GATM: variants seen among roughly 807,000 people sequenced by gnomAD.
GATM encodes the protein glycine amidinotransferase, also known as glycine amidinotransferase, mitochondrial.
Under a neutral mutation model 54.2 loss-of-function variants are expected in GATM, and 23 were observed. The observed-to-expected ratio is 0.42, with a 90% confidence interval of 0.31 to 0.60. GATM has a LOEUF of 0.60. GATM is among the 20% of genes least tolerant of loss of function. The probability of loss-of-function intolerance (pLI) is 0.14; values close to 1 mark genes in which losing one functional copy is unlikely to be tolerated. For synonymous variants in GATM, 168 were observed against 183.1 expected (o/e 0.92, Z 0.67); for missense variants, 401 against 544.9 (o/e 0.74, Z 2.63).
upstream of GATM, chr15:45,378,602 C>T: frequency 1.8e-6 from 1 of 556,458 alleles, no homozygotes; most frequent in Non-Finnish European, 2.9e-6. Context: ...GGCCGCCCCC[C>T]GCGGCCCCAT....
upstream of GATM, among the ~76,000 whole-genome samples, chr15:45,381,696 C>G (rs2140665891): frequency 6.6e-6 from 1 of 152,288 alleles, no homozygotes. Context: ...ATGAGATTAG[C>G]TATCTACAGA....
chr15:45,385,112 A>C (rs568452527), intron 3 of GATM, among the ~76,000 whole-genome samples: 1 of 152,332 alleles, frequency 6.6e-6, no homozygotes, highest in African/African-American at 2.4e-5. Context: ...GAAATGATGC[A>C]GAAGTTAGTG....
At chr15:45,380,766 G>A (rs866664022), upstream of GATM, among the ~76,000 whole-genome samples, 5 of 152,070 alleles carry the variant, frequency 3.3e-5, no homozygotes, top group African/African-American at 1.2e-4. Context: ...TAGCCAAAGA[G>A]CATACCCTTA....
rs752830136 is a variant in GATM, at chr15:45,362,173, C to T, written c.1208G>A (p.Gly403Glu). The T allele has an allele frequency of 1.2e-6, 2 of 1,613,974 alleles. No homozygotes were observed. Among genetic ancestry groups the T allele is most frequent in the Admixed American group, 1.7e-5 (1 of 60,014 alleles). Reference protein sequence around the residue: ...VNIRNANSLGGGFHCWTCDVR... With the variant: ...VNIRNANSLGEGFHCWTCDVR... ...ATCGCAGGTCCAGCAATGGAAGCCT[C>T]CTCCCAGGGAATTGGCATTACGAAT... Residue 403 changes from glycine (G) to glutamate (E), a missense_variant, in exon 9 of 9, where the codon GGA (glycine) becomes GAA (glutamate). By Grantham distance (98) the Gly-to-Glu change is moderately conservative (BLOSUM62 -2). Around this residue, in one of 3 missense-constraint regions of GATM, gnomAD observed 321 missense variants for 457.5 expected, o/e 0.70. Transcript: ENST00000396659.
At chr15:45,398,291 C>G (rs1889956851) in intron 2 of GATM, among the ~76,000 whole-genome samples, 1 of 152,012 alleles carries the variant, frequency 6.6e-6, no homozygotes, top group Non-Finnish European at 1.5e-5. Context: ...AAGTGTGAAC[C>G]AACATCATAG....
intron 1 of GATM, among the ~76,000 whole-genome samples, chr15:45,400,096 C>T (rs1460491213): frequency 6.6e-6 from 1 of 152,150 alleles, no homozygotes. Flanking sequence ...GTGGTAGGCA[C>T]CTGTAATCCC....
chr15:45,376,218 A>G (rs977716831), intron 2 of GATM, among the ~76,000 whole-genome samples: 7 of 152,210 alleles, frequency 4.6e-5, no homozygotes, highest in African/African-American at 1.7e-4. Flanking sequence ...TTGATCTGGA[A>G]GGAGTTCAAT....
intron 6 of GATM, 36 bp from the exon 7 acceptor site, chr15:45,364,896 T>TCTACATATA: frequency 6.5e-7 from 1 of 1,532,460 alleles, no homozygotes; most frequent in Non-Finnish European, 9.0e-7. Flanking sequence ...AACCGTTAAA[T>TCTACATATA]CTACATATAC....
upstream of GATM, chr15:45,378,631 G>T (rs1889689791): frequency 4.2e-6 from 2 of 479,896 alleles, no homozygotes; most frequent in African/African-American, 2.1e-5. Flanking sequence ...GGGAACAGGT[G>T]GTGGGGCCGG....
At chr15:45,401,568 T>C (rs560473985) in intron 1 of GATM, among the ~76,000 whole-genome samples, 18 of 107,712 alleles carry the variant, frequency 1.7e-4, no homozygotes, top group Admixed American at 1.2e-3. Flanking sequence ...AGAAAGCAGC[T>C]GGAAAAAAAA....
Position 45,378,459 on chromosome 15 carries a change from T to C in GATM, c.-6A>G. The C allele has an allele frequency of 2.8e-6, 4 of 1,435,390 alleles. No individual in the cohort carries two copies. Among genetic ancestry groups the C allele is most frequent in the Non-Finnish European group, 3.6e-6 (4 of 1,100,002 alleles). The allele number at this position is 1,435,390 out of a possible 1,614,324, so 88.9% of individuals were successfully genotyped here. On this transcript the variant is annotated 5_prime_UTR_variant, in exon 1 of 9. Coordinates refer to ENST00000396659, the MANE Select transcript of GATM (RefSeq NM_001482.3). ...AGACACCGCACCCGCAGCATCGCCCTGGCCCGGCTGGTCCACGCGCGGAAT... is the reference window on the plus strand; with the variant it reads ...AGACACCGCACCCGCAGCATCGCCCCGGCCCGGCTGGTCCACGCGCGGAAT...
In GATM at chr15:45,361,269, G is replaced by A. The variant is rs572610952; in HGVS notation, c.*840C>T. On this transcript the variant is annotated 3_prime_UTR_variant, in exon 9 of 9. Transcript: ENST00000396659. ...TATGCTCTAAATAATTTGCACATTT[G>A]TAAACAAATCTTAGATGACCAAAGA... is the stretch of plus-strand genomic sequence containing the variant. 1 of 151,888 alleles carries A rather than the reference G, an allele frequency of 6.6e-6. No individual in the cohort carries two copies. The highest frequency in any genetic ancestry group is 2.4e-5 in the African/African-American group (1 of 41,326). 9.4% of individuals were successfully genotyped at this position (151,888 alleles called of 1,614,324 possible).
At chr15:45,383,422 G>A (rs973297693), upstream of GATM, among the ~76,000 whole-genome samples, 3 of 152,280 alleles carry the variant, frequency 2.0e-5, no homozygotes, top group Middle Eastern at 3.4e-3. Flanking sequence ...AACTGATACA[G>A]CTTTAAGAAA....
intron 1 of GATM, chr15:45,378,053 G>A (rs1889670613): frequency 1.4e-5 from 4 of 284,314 alleles, no homozygotes; most frequent in Non-Finnish European, 2.6e-5. Context: ...CGGGAAGCTT[G>A]GTGCAGCGCA....
chr15:45,366,237 C>A (rs374024706), intron 5 of GATM, 27 bp from the exon 6 acceptor site: 1 of 1,613,226 alleles, frequency 6.2e-7, no homozygotes, highest in Non-Finnish European at 8.5e-7. Context: ...GACATACGAT[C>A]GATAAATATT....
Position 45,361,977 on chromosome 15 carries a change from C to G in GATM, c.*132G>C, listed in dbSNP as rs966127440. 7 of 691,264 alleles carry G rather than the reference C, an allele frequency of 1.0e-5. No individual in the cohort carries two copies. The highest frequency in any genetic ancestry group is 1.9e-5 in the Non-Finnish European group (7 of 377,482). The allele number at this position is 691,264 out of a possible 1,614,324, so 42.8% of individuals were successfully genotyped here. A position where few individuals can be genotyped will look rare whatever the true frequency, so the allele number is the denominator to read the frequency against. On this transcript the variant is annotated 3_prime_UTR_variant, in exon 9 of 9. Transcript: ENST00000396659. ...AGAAAAGTAATAGAAGCAAACCAGG[C>G]TTACGACCCCTGTTAAGGAGATGAT...
chr15:45,381,805 G>A (rs1286853423), upstream of GATM, among the ~76,000 whole-genome samples: 2 of 152,130 alleles, frequency 1.3e-5, no homozygotes, highest in Non-Finnish European at 2.9e-5. Context: ...GTTCAAACAA[G>A]GTGACTAAAG....
At chr15:45,363,138 G>C (rs1446151044) in intron 8 of GATM, among the ~76,000 whole-genome samples, 2 of 152,082 alleles carry the variant, frequency 1.3e-5, no homozygotes, top group Non-Finnish European at 2.9e-5. Context: ...CAGGCATGGT[G>C]GTGTATGCTT....
At position 45,363,753 on chromosome 15, in the gene GATM, A is replaced by T. The variant is rs1889402960; in HGVS notation, c.1159+147T>A. On this transcript the variant is annotated intron_variant, in intron 8 of 8. Coordinates refer to ENST00000396659, the MANE Select transcript of GATM (RefSeq NM_001482.3). ...ACGTGTGTTGAAAATAAAAATACTG[A>T]CTTTCTGTGAAATAATAACTTGGTG... 3 of 654,224 alleles carry T rather than the reference A, an allele frequency of 4.6e-6. No individual in the cohort carries two copies. The South Asian group carries it at 5.3e-5, about 12-fold the overall frequency. 40.5% of individuals were successfully genotyped at this position (654,224 alleles called of 1,614,324 possible). A position where few individuals can be genotyped will look rare whatever the true frequency, so the allele number is the denominator to read the frequency against.
Sources: gnomAD v4.1 joint callset for allele counts (sites outside exome capture counted in the v4.1 genomes callset) on GRCh38, gnomAD v4.1.1 for gene constraint, gnomAD v4.1.1 regional missense constraint, MANE v1.5 for transcripts, NCBI Gene and HGNC (gene_info 2026-07-23, HGNC 2026-07-21) for gene names.